The following CLYBL variants were observed in gnomAD, a reference collection of about 807,000 sequenced individuals.
CLYBL encodes citramalyl-CoA lyase.
In CLYBL, 31 loss-of-function variants were observed where a neutral mutation model predicts 38.9. That is an observed-to-expected ratio of 0.80 (90% CI 0.60 to 1.08). CLYBL has a LOEUF of 1.08. Among genes scored for constraint, CLYBL ranks in the 50% least tolerant of loss-of-function variants. The pLI is 0.00. For missense variants in CLYBL, 434 were observed against 411.6 expected (o/e 1.05, Z -0.47); for synonymous variants, 171 against 158.6 (o/e 1.08, Z -0.59).
rs182619635 is a variant in CLYBL at position 99,723,738 on chromosome 13, C to G, written c.63-49086C>G. 1.2e-3 allele frequency among the ~76,000 whole-genome samples: 188 copies of G among 152,244 alleles called. 1 individual carries two copies. The highest frequency in any genetic ancestry group is 2.1e-3 in the Non-Finnish European group (144 of 68,022). On this transcript the variant is annotated intron_variant, in intron 1 of 8. Transcript: ENST00000339105. Reference sequence around the variant, plus strand: ...CATATTCAGATGTGGTAAATTGTCACAGAAATGAAAACTTTTCATTTTAGT... The same window carrying G: ...CATATTCAGATGTGGTAAATTGTCAGAGAAATGAAAACTTTTCATTTTAGT...
At chr13:99,750,214 G>C (rs1056344265) in intron 1 of CLYBL, among the ~76,000 whole-genome samples, 3 of 152,190 alleles carry the variant, frequency 2.0e-5, no homozygotes, top group Admixed American at 2.0e-4. Flanking sequence ...CCCCCTCAAA[G>C]GATTGGAGAT....
At chr13:99,906,425 TTTTGAG>T (rs989804194) in intron 9 of CLYBL, among the ~76,000 whole-genome samples, 4 of 55,162 alleles carry the variant, frequency 7.3e-5, no homozygotes, top group Admixed American at 2.4e-4. Flanking sequence ...CCCAGAGCTT[TTTTGAG>T]TTTTCTTTTT....
chr13:99,735,128 A>G (rs1200012569), intron 1 of CLYBL, among the ~76,000 whole-genome samples: 1 of 152,128 alleles, frequency 6.6e-6, no homozygotes, highest in Non-Finnish European at 1.5e-5. Flanking sequence ...GGAAAAAAAG[A>G]TATTCTCACT....
In CLYBL at chr13:99,846,978, C is replaced by CT. The variant is rs140612832; in HGVS notation, c.250-11875dup. On this transcript the variant is annotated intron_variant, in intron 2 of 8. Transcript: ENST00000339105. ...CTCCACAGAAATGAAAAAAAGTTTG[C>CT]TTTTTTTTAACAAATTGGTTTTTGA... 1.0e-2 allele frequency among the ~76,000 whole-genome samples: 1,517 copies of CT among 152,010 alleles called. 29 individuals are homozygous for CT. The highest frequency in any genetic ancestry group is 0.033 in the African/African-American group (1,363 of 41,448).
intron 2 of CLYBL, among the ~76,000 whole-genome samples, chr13:99,835,910 G>A (rs755294069): frequency 6.6e-6 from 1 of 152,200 alleles, no homozygotes; most frequent in Admixed American, 6.5e-5. Flanking sequence ...AAGAAAATCT[G>A]ACAGTGAGCT....
At chr13:99,628,608 A>G (rs1395146640) in intron 1 of CLYBL, among the ~76,000 whole-genome samples, 1 of 152,194 alleles carries the variant, frequency 6.6e-6, no homozygotes, top group Admixed American at 6.5e-5. Context: ...TGCCTTTCAT[A>G]CTTTAAGACA....
chr13:99,841,387 A>G (rs533109353), intron 2 of CLYBL, among the ~76,000 whole-genome samples: 7 of 115,366 alleles, frequency 6.1e-5, no homozygotes, highest in Non-Finnish European at 1.1e-4. Flanking sequence ...AGAAAAACAC[A>G]TACATACTTT....
chr13:99,763,296 C>T (rs564272441), intron 1 of CLYBL, among the ~76,000 whole-genome samples: 3 of 152,268 alleles, frequency 2.0e-5, no homozygotes, highest in African/African-American at 7.2e-5. Flanking sequence ...ATGATGTTAG[C>T]TATGGGTTTG....
chr13:99,881,556 G>T (rs1429300549), intron 7 of CLYBL, among the ~76,000 whole-genome samples: 1 of 151,876 alleles, frequency 6.6e-6, no homozygotes, highest in Non-Finnish European at 1.5e-5. Flanking sequence ...CCGAGTAGCT[G>T]GGACCACAGG....
chr13:99,672,190 C>CT (rs67915750), intron 1 of CLYBL, among the ~76,000 whole-genome samples: 15 of 144,812 alleles, frequency 1.0e-4, no homozygotes, highest in Middle Eastern at 3.4e-3. Context: ...TCGGGAATTT[C>CT]TTTTTTTTTT....
At chr13:99,873,667 TCA>T (rs2051966104) in intron 7 of CLYBL, among the ~76,000 whole-genome samples, 1 of 143,016 alleles carries the variant, frequency 7.0e-6, no homozygotes, top group Non-Finnish European at 1.6e-5. Context: ...TAGCTGAAGT[TCA>T]CAGTTAGCCA....
At chr13:99,783,954 TAGCCTCATG>T (rs2049721538) in intron 2 of CLYBL, 1 of 152,320 alleles carries the variant, frequency 6.6e-6, no homozygotes, top group South Asian at 2.1e-4. Flanking sequence ...CTTGGTTTCA[TAGCCTCATG>T]AGCCCTCTTT....
chr13:99,739,329 A>G (rs193132065), intron 1 of CLYBL, among the ~76,000 whole-genome samples: 60 of 152,314 alleles, frequency 3.9e-4, no homozygotes, highest in African/African-American at 1.3e-3. Flanking sequence ...ATTTTAAGTC[A>G]TATTTTCATG....
chr13:99,864,977 T>C, intron 5 of CLYBL, 66 bp downstream of exon 5: 1 of 1,166,836 alleles, frequency 8.6e-7, no homozygotes, highest in South Asian at 1.2e-5. Flanking sequence ...ATATATTTTT[T>C]CTTTGCCCCT....
At chr13:99,905,722 C>CTT (rs35968589) in intron 9 of CLYBL, among the ~76,000 whole-genome samples, 70,989 of 146,462 alleles carry the variant, frequency 0.48, 17,999 homozygotes, top group Non-Finnish European at 0.57. Context: ...GTTGTTTTTG[C>CTT]TTTTTTTTTT....
At chr13:99,873,853 G>C (rs2051969728) in intron 7 of CLYBL, among the ~76,000 whole-genome samples, 1 of 152,160 alleles carries the variant, frequency 6.6e-6, no homozygotes, top group South Asian at 2.1e-4. Context: ...TTGGAGTTCA[G>C]ACTTTGGTAT....
chr13:99,639,400 G>A (rs542325824), intron 1 of CLYBL, among the ~76,000 whole-genome samples: 105 of 152,280 alleles, frequency 6.9e-4, no homozygotes, highest in Middle Eastern at 6.8e-3. Context: ...CTTTAATTAT[G>A]CATTGTTGGT....
intron 1 of CLYBL, among the ~76,000 whole-genome samples, chr13:99,675,973 C>T (rs2047637881): frequency 6.6e-6 from 1 of 152,164 alleles, no homozygotes; most frequent in African/African-American, 2.4e-5. Flanking sequence ...TGTGCCTCAG[C>T]CCCCCAAGTA....
At chr13:99,699,868 C>A (rs1312860148) in intron 1 of CLYBL, among the ~76,000 whole-genome samples, 1 of 149,804 alleles carries the variant, frequency 6.7e-6, no homozygotes, top group East Asian at 2.0e-4. Context: ...GTGGCGGGTG[C>A]CTGTAGTCCC....
Sources: gnomAD v4.1 joint callset for allele counts (sites outside exome capture counted in the v4.1 genomes callset) on GRCh38, gnomAD v4.1.1 for gene constraint, MANE v1.5 for transcripts, NCBI Gene and HGNC (gene_info 2026-07-23, HGNC 2026-07-21) for gene names.